The following INTS2 variants were observed in gnomAD, a reference collection of about 807,000 sequenced individuals.
INTS2 encodes KIAA1287.
In INTS2, 57 loss-of-function variants were observed where a neutral mutation model predicts 139.6. The observed-to-expected ratio is 0.41, with a 90% CI of 0.33 to 0.51. INTS2 has a LOEUF of 0.51. Ranked by LOEUF, INTS2 falls within the 20% of genes least tolerant of loss-of-function variation. INTS2 has a pLI of 0.28. For synonymous variants in INTS2, 473 were observed against 493.4 expected (o/e 0.96, Z 0.55); for missense variants, 1,196 against 1,436.7 (o/e 0.83, Z 2.71).
chr17:61,903,750 T>C (rs2079432832), intron 9 of INTS2, among the ~76,000 whole-genome samples: 1 of 151,544 alleles, frequency 6.6e-6, no homozygotes, highest in Non-Finnish European at 1.5e-5. Flanking sequence ...TACATAATCA[T>C]AACAACTATA....
chr17:61,912,775 G>C (rs909275511), intron 5 of INTS2, among the ~76,000 whole-genome samples: 3 of 151,818 alleles, frequency 2.0e-5, no homozygotes, highest in Admixed American at 2.0e-4. Context: ...GTAATAAAAA[G>C]AAAATCTTAA....
At position 61,927,878 on chromosome 17, in the gene INTS2, A is replaced by C. The variant is rs1252078297; in HGVS notation, c.-243T>G. ...AAGGATGGGGGCACCACACAAAGGC[A>C]GAACCGGGACTGTAGGAACGGAAAA... On this transcript the variant is annotated 5_prime_UTR_variant, in exon 1 of 25. Transcript: ENST00000251334. 3 of 1,613,986 alleles carry C rather than the reference A, an allele frequency of 1.9e-6. No individual in the cohort carries two copies. The highest frequency in any genetic ancestry group is 2.5e-6 in the Non-Finnish European group (3 of 1,179,876).
intron 15 of INTS2, among the ~76,000 whole-genome samples, chr17:61,888,095 G>C (rs1567897336): frequency 6.6e-6 from 1 of 151,072 alleles, no homozygotes; most frequent in African/African-American, 2.4e-5. Context: ...ACAAAGGTCA[G>C]GAGGATCACT....
chr17:61,922,632 A>C (rs930715304), intron 3 of INTS2, among the ~76,000 whole-genome samples: 3 of 149,818 alleles, frequency 2.0e-5, no homozygotes, highest in Non-Finnish European at 3.0e-5. Flanking sequence ...GAAATTCTGC[A>C]CAATAGTTTC....
rs190439893 is a variant in INTS2, at chr17:61,893,044, G to A, written c.1698+721C>T. ...AGGCTGTGGCAGGAGGACTGCTTGAGCCCAGGAGTTTGAGGTTACAGTGAG... is the reference window on the plus strand; with the variant it reads ...AGGCTGTGGCAGGAGGACTGCTTGAACCCAGGAGTTTGAGGTTACAGTGAG... On this transcript the variant is annotated intron_variant, in intron 13 of 24. Transcript: ENST00000251334. The surrounding 1 kb of genome is among the most constrained non-coding windows in gnomAD (Gnocchi z 5.4). 6.7e-6 allele frequency among the ~76,000 whole-genome samples: 1 copy of A among 150,118 alleles called. No individual in the cohort carries two copies. The highest frequency in any genetic ancestry group is 6.7e-5 in the Admixed American group (1 of 14,984).
chr17:61,925,000 C>A lies in INTS2; in HGVS notation c.393G>T (p.Leu131Phe). ...CCAACAGTTCACTAAGCACAAGACG[C>A]AATCGACGAGGTGAATCACTGTGTT... ...EFEHSDSPRRLRLVLSELLAI... is the reference protein window; with the variant it reads ...EFEHSDSPRRFRLVLSELLAI... Residue 131 changes from leucine (L) to phenylalanine (F), a missense_variant, in exon 3 of 25, where the codon TTG becomes TTT. This residue lies in a region of INTS2 where 1,129 missense variants were observed against 1,341.9 expected (regional missense o/e 0.84). Transcript: ENST00000251334. The A allele has an allele frequency of 6.2e-7, 1 of 1,613,400 alleles. No individual in the cohort carries two copies. The highest frequency in any genetic ancestry group is 1.7e-5 in the Admixed American group (1 of 59,930).
At position 61,923,945 on chromosome 17, in the gene INTS2, G is replaced by A. The variant is rs369536092; in HGVS notation, c.432+1016C>T. ...TGGGATTACAGGCGTGCACCACCAC[G>A]CCCAGCTAATTTAGTTATTTATATG... On this transcript the variant is annotated intron_variant, in intron 3 of 24. Transcript: ENST00000251334. 3.9e-4 allele frequency among the ~76,000 whole-genome samples: 59 copies of A among 152,204 alleles called. No homozygotes were observed. In the South Asian group the frequency reaches 5.2e-3, roughly 13 times the overall value.
Position 61,919,518 on chromosome 17 carries a change from A to G in INTS2, c.536-5T>C, listed in dbSNP as rs2079617556. 6.8e-7 allele frequency: 1 copy of G among 1,470,142 alleles called. No homozygotes were observed. The highest frequency in any genetic ancestry group is 1.2e-5 in the South Asian group (1 of 83,832). The allele number at this position is 1,470,142 out of a possible 1,614,324, so 91.1% of individuals were successfully genotyped here. A position where few individuals can be genotyped will look rare whatever the true frequency, so the allele number is the denominator to read the frequency against. On this transcript the variant is annotated splice_region_variant and splice_polypyrimidine_tract_variant and intron_variant, in intron 4 of 24. Transcript: ENST00000251334. ...TAGGGAGCAAGGAAGGGAGCTCTAC[A>G]AGAAAACAAAGTCAGTGTTAGTCTT... is the stretch of plus-strand genomic sequence containing the variant.
rs2079365369 is a variant in INTS2, at chr17:61,897,888, C to T, written c.1308-149G>A. 3.2e-6 allele frequency: 2 copies of T among 626,304 alleles called. No homozygotes were observed. Among genetic ancestry groups the T allele is most frequent in the Admixed American group, 2.9e-5 (1 of 34,286 alleles). The allele number at this position is 626,304 out of a possible 1,614,324, so 38.8% of individuals were successfully genotyped here. Reference sequence around the variant, plus strand: ...AAATTAAAGGCTTGCTGAATTGGGCCATTAATTGTCATTGAGGTATGAAGT... The same window carrying T: ...AAATTAAAGGCTTGCTGAATTGGGCTATTAATTGTCATTGAGGTATGAAGT... On this transcript the variant is annotated intron_variant, in intron 9 of 24. Transcript: ENST00000251334. The surrounding 1 kb of genome is among the most constrained non-coding windows in gnomAD (Gnocchi z 4.4).
intron 5 of INTS2, among the ~76,000 whole-genome samples, chr17:61,915,198 C>T (rs2079567696): frequency 6.6e-6 from 1 of 151,418 alleles, no homozygotes; most frequent in Non-Finnish European, 1.5e-5. Flanking sequence ...ATTAGCCGGG[C>T]ATGGTGGCAG....
At chr17:61,914,809 T>C (rs1395464114) in intron 5 of INTS2, among the ~76,000 whole-genome samples, 1 of 149,594 alleles carries the variant, frequency 6.7e-6, no homozygotes, top group Non-Finnish European at 1.5e-5. Flanking sequence ...GGGAGATCAA[T>C]GCTGCAGTGA....
chr17:61,891,743 G>A, intron 13 of INTS2, 54 bp from the exon 14 acceptor site: 3 of 1,301,470 alleles, frequency 2.3e-6, no homozygotes, highest in South Asian at 1.5e-5. Flanking sequence ...GAAAAACCAA[G>A]CAAAATTATA....
In INTS2 at chr17:61,926,510, T is replaced by A; in HGVS notation, c.135A>T (p.Ala45=). Residue 45 remains alanine, a synonymous_variant, in exon 2 of 25, where the codon GCA becomes GCT. Transcript: ENST00000251334. The stretch of plus-strand genomic sequence containing the variant: ...GGCTCTGGTCAGCAGGTGCACAAAG[T>A]GCCATCCGTACCAAACAGGGCAGAA... ...RLLLPCLVRM[A]LCAPADQSQS... 6.2e-7 allele frequency: 1 copy of A among 1,613,968 alleles called. No homozygotes were observed. The highest frequency in any genetic ancestry group is 8.5e-7 in the Non-Finnish European group (1 of 1,179,860).
intron 16 of INTS2, among the ~76,000 whole-genome samples, 194 bp downstream of exon 16, chr17:61,884,707 C>A (rs1355571431): frequency 6.6e-6 from 1 of 152,028 alleles, no homozygotes; most frequent in Non-Finnish European, 1.5e-5. Context: ...CTGAAAATAG[C>A]TAGGGTTGCG....
At position 61,907,428 on chromosome 17, in the gene INTS2, C is replaced by T. The variant is rs1390665954; in HGVS notation, c.1161G>A (p.Leu387=). Residue 387 remains leucine, a synonymous_variant, in exon 8 of 25, where the codon TTG becomes TTA. Transcript: ENST00000251334. ...AATACTTGAGTCCAGCGATCCCCAT[C>T]AAAGCACAGTACAGACGTAAGAGTG... ...ASALLRLYCA[L]MGIAGLKPTE... The T allele has an allele frequency of 6.3e-7, 1 of 1,591,244 alleles. No homozygotes were observed. The highest frequency in any genetic ancestry group is 2.3e-5 in the East Asian group (1 of 44,120).
Position 61,865,719 on chromosome 17 carries a change from GAGC to G in INTS2, c.*1835_*1837del, listed in dbSNP as rs2079039554. 1 of 151,658 alleles carries G rather than the reference GAGC, an allele frequency of 6.6e-6. No homozygotes were observed. Among genetic ancestry groups the G allele is most frequent in the Admixed American group, 6.6e-5 (1 of 15,222 alleles). 9.4% of individuals were successfully genotyped at this position (151,658 alleles called of 1,614,324 possible). ...CAAGGCCTCAGTTTAAAAAAAAAAG[GAGC>G]AGTTGTATTTAATCTTAAGGGACTA... is the stretch of plus-strand genomic sequence containing the variant. On this transcript the variant is annotated 3_prime_UTR_variant, in exon 25 of 25. Coordinates refer to ENST00000251334, the MANE Select transcript of INTS2 (RefSeq NM_001351695.2). This position sits in a 1 kb window ranked among gnomAD's most constrained non-coding sequence, Gnocchi z 4.8.
chr17:61,865,587 G>GAA lies in INTS2; in HGVS notation c.*1969_*1970insTT, dbSNP rs1183681798. 3 of 152,500 alleles carry GAA rather than the reference G, an allele frequency of 2.0e-5. No individual in the cohort carries two copies. The highest frequency in any genetic ancestry group is 6.6e-5 in the Admixed American group (1 of 15,266). The allele number at this position is 152,500 out of a possible 1,614,324, so 9.4% of individuals were successfully genotyped here. ...TGATTATTTTAACACAGCAGGTTAT[G>GAA]ACCAGTCTTTGAATATTGATCCAGG... On this transcript the variant is annotated 3_prime_UTR_variant, in exon 25 of 25. Coordinates refer to ENST00000251334, the MANE Select transcript of INTS2 (RefSeq NM_001351695.2). The surrounding 1 kb of genome is among the most constrained non-coding windows in gnomAD (Gnocchi z 4.8).
intron 14 of INTS2, among the ~76,000 whole-genome samples, chr17:61,890,723 C>T (rs373416392): frequency 1.3e-5 from 2 of 150,210 alleles, no homozygotes; most frequent in East Asian, 3.9e-4. Context: ...TGATCAAATA[C>T]ACAATCTCCA....
intron 15 of INTS2, among the ~76,000 whole-genome samples, chr17:61,888,144 G>A (rs1406310963): frequency 6.6e-6 from 1 of 152,078 alleles, no homozygotes; most frequent in African/African-American, 2.4e-5. Context: ...GCCAAGCCAG[G>A]AGGACTGCTC....
Sources: gnomAD v4.1 joint callset for allele counts (sites outside exome capture counted in the v4.1 genomes callset) on GRCh38, gnomAD v4.1.1 for gene constraint, gnomAD v4.1.1 regional missense constraint, Gnocchi (gnomAD v3.1) non-coding constraint, MANE v1.5 for transcripts, NCBI Gene and HGNC (gene_info 2026-07-23, HGNC 2026-07-21) for gene names.